Variants in TCF12 observed in about 807,000 individuals in gnomAD.
The protein encoded by TCF12 is DNA-binding protein HTF4.
Under a neutral mutation model 86.0 loss-of-function variants are expected in TCF12, and 45 were observed. The ratio of observed to expected loss-of-function variants is 0.52; its 90% CI spans 0.41 to 0.67. The LOEUF is 0.67. TCF12 is among the 30% of genes least tolerant of loss of function. The pLI is 0.00. For missense variants in TCF12, 881 were observed against 859.9 expected (o/e 1.02, Z -0.31); for synonymous variants, 330 against 299.6 (o/e 1.10, Z -1.05).
rs117046706 is a variant in TCF12 at position 57,261,183 on chromosome 15, A to G, written c.1468-911A>G. 1.6e-3 allele frequency among the ~76,000 whole-genome samples: 247 copies of G among 152,306 alleles called. 3 individuals are homozygous for G. The East Asian group carries it at 0.042, about 26-fold the overall frequency. On this transcript the variant is annotated intron_variant, in intron 16 of 20. Coordinates refer to ENST00000333725, the MANE Select transcript of TCF12 (RefSeq NM_207037.2). Reference sequence around the variant, plus strand: ...TCCTAAAATCATTTTAAAAGTAACTATTAAATTAAATTTTAAAATCCACTA... The same window carrying G: ...TCCTAAAATCATTTTAAAAGTAACTGTTAAATTAAATTTTAAAATCCACTA...
Position 57,253,245 on chromosome 15 carries a change from T to G in TCF12, c.1261-17T>G, listed in dbSNP as rs2060200617. The G allele has an allele frequency of 6.2e-7, 1 of 1,613,044 alleles. No individual in the cohort carries two copies. The highest frequency in any genetic ancestry group is 8.5e-7 in the Non-Finnish European group (1 of 1,179,278). ...ATGCCAGCAATAACCACCATGTTTT[T>G]TTTTTAATCCATACAGCAGTCTCGA... On this transcript the variant is annotated splice_polypyrimidine_tract_variant and intron_variant, in intron 15 of 20. Coordinates refer to ENST00000333725, the MANE Select transcript of TCF12 (RefSeq NM_207037.2).
intron 5 of TCF12, among the ~76,000 whole-genome samples, chr15:57,103,861 A>G (rs1189041922): frequency 6.6e-6 from 1 of 152,116 alleles, no homozygotes; most frequent in Non-Finnish European, 1.5e-5. Flanking sequence ...AAAAAAAATT[A>G]GCTGGGCGTG....
At chr15:57,261,941 C>T (rs1204585128) in intron 16 of TCF12, among the ~76,000 whole-genome samples, 153 bp from the exon 17 acceptor site, 5 of 152,070 alleles carry the variant, frequency 3.3e-5, no homozygotes, top group African/African-American at 9.7e-5. Flanking sequence ...TTGAAATTCT[C>T]CCCAAAAACC....
intron 3 of TCF12, among the ~76,000 whole-genome samples, chr15:56,996,175 A>T (rs2063704796): frequency 6.6e-6 from 1 of 151,940 alleles, no homozygotes. Flanking sequence ...GTGTTGGGGG[A>T]TTCAGTTTGG....
chr15:56,962,623 GA>G (rs1472554587), intron 3 of TCF12, among the ~76,000 whole-genome samples: 4 of 152,132 alleles, frequency 2.6e-5, no homozygotes, highest in African/African-American at 4.8e-5. Flanking sequence ...TCAAATAAGA[GA>G]AAATGCTTCC....
intron 3 of TCF12, among the ~76,000 whole-genome samples, chr15:57,039,135 G>A (rs2066717395): frequency 6.6e-6 from 1 of 152,022 alleles, no homozygotes; most frequent in Non-Finnish European, 1.5e-5. Context: ...TCTTCCACTT[G>A]TTACCTTTTT....
chr15:57,137,717 A>G (rs749844806), intron 5 of TCF12, among the ~76,000 whole-genome samples: 2 of 152,104 alleles, frequency 1.3e-5, no homozygotes, highest in Non-Finnish European at 2.9e-5. Flanking sequence ...CTGAGGTACT[A>G]TGCTTATAGG....
chr15:56,978,658 T>C (rs1223453804), intron 3 of TCF12, among the ~76,000 whole-genome samples: 3 of 152,200 alleles, frequency 2.0e-5, no homozygotes, highest in African/African-American at 7.2e-5. Flanking sequence ...TTTTTAGTAG[T>C]CAATAAGAAT....
intron 4 of TCF12, among the ~76,000 whole-genome samples, chr15:57,065,031 A>G (rs1350779781): frequency 6.6e-6 from 1 of 152,216 alleles, no homozygotes; most frequent in East Asian, 1.9e-4. Flanking sequence ...ATGCTGAGTT[A>G]AAATACCTTT....
chr15:56,941,655 G>A (rs1251483779), intron 3 of TCF12, among the ~76,000 whole-genome samples: 4 of 150,936 alleles, frequency 2.7e-5, no homozygotes, highest in African/African-American at 7.3e-5. Flanking sequence ...GATTACAGGC[G>A]TGAGTCACGT....
At position 57,273,244 on chromosome 15, in the gene TCF12, C is replaced by G. The variant is rs1567031146; in HGVS notation, c.1960C>G (p.Leu654Val). The G allele has an allele frequency of 1.9e-6, 3 of 1,614,002 alleles. No homozygotes were observed. Among genetic ancestry groups the G allele is most frequent in the African/African-American group, 1.3e-5 (1 of 74,930 alleles). The change falls in exon 19 of 21, where the codon CTA becomes GTA. Residue 654 changes from leucine (L) to valine (V), a missense_variant. By Grantham distance (32) the Leu-to-Val change is conservative. Coordinates refer to ENST00000333725, the MANE Select transcript of TCF12 (RefSeq NM_207037.2). ...TCAAGCCGTGGCAGTCATCCTTAGTCTAGAACAGCAAGTCAGAGGTAAGTA... is the reference window on the plus strand; with the variant it reads ...TCAAGCCGTGGCAGTCATCCTTAGTGTAGAACAGCAAGTCAGAGGTAAGTA... ...LHQAVAVILS[L>V]EQQVRERNLN...
At chr15:57,053,383 G>A (rs571575716) in intron 3 of TCF12, among the ~76,000 whole-genome samples, 2 of 152,172 alleles carry the variant, frequency 1.3e-5, no homozygotes, top group Non-Finnish European at 2.9e-5. Flanking sequence ...CCTTATCAAA[G>A]TTATGGTTTG....
Position 57,253,335 on chromosome 15 carries a change from C to G in TCF12, c.1334C>G (p.Pro445Arg). 6.2e-7 allele frequency: 1 copy of G among 1,614,044 alleles called. No individual in the cohort carries two copies. The highest frequency in any genetic ancestry group is 8.5e-7 in the Non-Finnish European group (1 of 1,179,976). ...IHVLRNHAVG[P>R]STSLPAGHSD... The stretch of plus-strand genomic sequence containing the variant: ...GTGCTGCGGAACCATGCTGTGGGAC[C>G]TTCCACCAGTTTGCCTGCTGGTCAC... Residue 445 changes from proline (P) to arginine (R), a missense_variant, in exon 16 of 21, where the codon CCT (proline) becomes CGT (arginine). Pro to Arg is a moderately radical substitution (Grantham distance 103, BLOSUM62 -2). This residue lies in a region of TCF12 where 766 missense variants were observed against 718.9 expected (regional missense o/e 1.07). Transcript: ENST00000333725.
At chr15:57,251,289 C>G (rs2060105508) in intron 13 of TCF12, 61 bp from the exon 14 acceptor site, 1 of 1,427,902 alleles carries the variant, frequency 7.0e-7, no homozygotes, top group Non-Finnish European at 9.9e-7. Flanking sequence ...CCCTTTCCTT[C>G]ACAACATTAT....
intron 19 of TCF12, 53 bp downstream of exon 19, chr15:57,273,315 T>C (rs1247782776): frequency 2.1e-5 from 32 of 1,558,344 alleles, no homozygotes; most frequent in Non-Finnish European, 2.8e-5. Flanking sequence ...TGGGCAGACA[T>C]TTCTGTTTAC....
At chr15:57,178,514 T>C (rs1021600319) in intron 6 of TCF12, among the ~76,000 whole-genome samples, 6 of 152,330 alleles carry the variant, frequency 3.9e-5, no homozygotes, top group African/African-American at 1.4e-4. Flanking sequence ...GTATTAGAAC[T>C]CTTCTGAAAA....
At position 57,268,017 on chromosome 15, in the gene TCF12, G is replaced by T. The variant is rs1433351234; in HGVS notation, c.1745+4743G>T. ...CTACTGTTACAGTGGTAGTGTTATG[G>T]TGGTAATTTTAAGTGTATGGTGTAG... On this transcript the variant is annotated intron_variant, in intron 18 of 20. Coordinates refer to ENST00000333725, the MANE Select transcript of TCF12 (RefSeq NM_207037.2). Among the ~76,000 whole-genome samples the T allele has an allele frequency of 2.6e-5, 4 of 152,270 alleles. No individual in the cohort carries two copies. The East Asian group carries it at 5.8e-4, about 22-fold the overall frequency.
intron 3 of TCF12, among the ~76,000 whole-genome samples, chr15:57,008,754 C>T (rs7496293): frequency 0.44 from 67,511 of 151,876 alleles, 16,637 homozygotes; most frequent in Non-Finnish European, 0.56. Flanking sequence ...ATGTCCATTG[C>T]GTCAAAATCT....
At chr15:57,263,329 C>T (rs537955359) in intron 18 of TCF12, 55 bp downstream of exon 18, 3 of 1,538,842 alleles carry the variant, frequency 1.9e-6, no homozygotes, top group East Asian at 4.5e-5. Context: ...GGTAAACATA[C>T]TTGAGAAGCT....
Sources: allele counts gnomAD v4.1 joint callset (sites outside exome capture counted in the v4.1 genomes callset), GRCh38; gene constraint gnomAD v4.1.1; regional missense constraint gnomAD v4.1.1; transcripts MANE v1.5; gene names NCBI Gene and HGNC (gene_info 2026-07-23, HGNC 2026-07-21).